The following SNTG1 variants were observed in gnomAD, a reference collection of about 807,000 sequenced individuals.
The protein encoded by SNTG1 is syntrophin gamma 1, also known as gamma-1-syntrophin.
Under a neutral mutation model 74.7 loss-of-function variants are expected in SNTG1, and 39 were observed. The observed-to-expected ratio is 0.52, with a 90% CI of 0.40 to 0.68. The LOEUF is 0.68. SNTG1 is among the 30% of genes least tolerant of loss of function. The pLI is 0.00. For synonymous variants in SNTG1, 254 were observed against 217.1 expected (o/e 1.17, Z -1.49); for missense variants, 685 against 609.5 (o/e 1.12, Z -1.30).
At chr8:50,680,400 C>T (rs2095326310) in intron 15 of SNTG1, among the ~76,000 whole-genome samples, 2 of 152,100 alleles carry the variant, frequency 1.3e-5, no homozygotes, top group Admixed American at 6.6e-5. Flanking sequence ...GACTTAGGGG[C>T]ATATAGCTGA....
Position 50,291,746 on chromosome 8 carries a change from G to C in SNTG1, c.-27-102466G>C, listed in dbSNP as rs374110096. Among the ~76,000 whole-genome samples the C allele has an allele frequency of 9.8e-5, 15 of 152,292 alleles. No homozygotes were observed. The South Asian group carries it at 3.1e-3, about 32-fold the overall frequency. ...AAAATGAGATCGTAGAGACCAATTG[G>C]AGGGGTGACATAGCAATCTGACTGT... is the stretch of plus-strand genomic sequence containing the variant. On this transcript the variant is annotated intron_variant, in intron 2 of 18. Transcript: ENST00000642720.
In SNTG1 at chr8:50,635,087, C is replaced by T. The variant is rs545600694; in HGVS notation, c.850-21822C>T. Among the ~76,000 whole-genome samples the T allele has an allele frequency of 6.6e-5, 10 of 152,182 alleles. No homozygotes were observed. In the East Asian group the frequency reaches 1.9e-3, roughly 29 times the overall value. On this transcript the variant is annotated intron_variant, in intron 13 of 18. Coordinates refer to ENST00000642720, the MANE Select transcript of SNTG1 (RefSeq NM_018967.5). ...TTCCAAGAGTCTCACCCCATTTTAA[C>T]GTCAGCTCAAACTCCCAAGTTTAAT...
rs369234257 is a variant in SNTG1 at position 50,205,212 on chromosome 8, C to T, written c.-28+32577C>T. Among the ~76,000 whole-genome samples, 15 of 152,282 alleles carry T rather than the reference C, an allele frequency of 9.9e-5. No homozygotes were observed. The East Asian group carries it at 1.9e-3, about 20-fold the overall frequency. On this transcript the variant is annotated intron_variant, in intron 2 of 18. Coordinates refer to ENST00000642720, the MANE Select transcript of SNTG1 (RefSeq NM_018967.5). ...CAGTGTAAAACTGTTCCTATTTCTC[C>T]ACATCCTCTCCAGCACCTGTTGTTT...
chr8:50,135,729 T>C (rs2081451519), intron 1 of SNTG1, among the ~76,000 whole-genome samples: 1 of 152,228 alleles, frequency 6.6e-6, no homozygotes, highest in South Asian at 2.1e-4. Context: ...TTGTTATCTC[T>C]CAGTTTATCT....
chr8:50,076,244 A>G (rs575409691), intron 1 of SNTG1, among the ~76,000 whole-genome samples: 10 of 152,290 alleles, frequency 6.6e-5, no homozygotes, highest in African/African-American at 1.9e-4. Flanking sequence ...CCTTTTTCTC[A>G]GTCATACATC....
chr8:50,372,216 C>CTGTG (rs146721613), intron 2 of SNTG1, among the ~76,000 whole-genome samples: 6 of 148,960 alleles, frequency 4.0e-5, no homozygotes, highest in African/African-American at 1.5e-4. Context: ...TGATCTTTCT[C>CTGTG]TGTGTGTGTG....
At chr8:50,319,986 G>A (rs2090463325) in intron 2 of SNTG1, among the ~76,000 whole-genome samples, 1 of 152,272 alleles carries the variant, frequency 6.6e-6, no homozygotes, top group African/African-American at 2.4e-5. Flanking sequence ...TTTTTGATGT[G>A]TCTTTGTCTG....
chr8:50,006,844 T>G (rs1332151440), intron 1 of SNTG1, among the ~76,000 whole-genome samples: 1 of 152,116 alleles, frequency 6.6e-6, no homozygotes, highest in East Asian at 1.9e-4. Flanking sequence ...GTCTGCCAGT[T>G]GAAAAAGTGG....
intron 13 of SNTG1, among the ~76,000 whole-genome samples, chr8:50,621,699 A>G (rs899196558): frequency 2.6e-5 from 4 of 152,210 alleles, no homozygotes; most frequent in Admixed American, 1.3e-4. Context: ...TGACAAGTCT[A>G]TATGAGCCAC....
chr8:50,407,316 T>C (rs2092890207), intron 4 of SNTG1, among the ~76,000 whole-genome samples: 1 of 152,282 alleles, frequency 6.6e-6, no homozygotes, highest in Admixed American at 6.5e-5. Flanking sequence ...GATGTTAGTC[T>C]GAAGAACCAT....
intron 1 of SNTG1, among the ~76,000 whole-genome samples, chr8:50,037,726 G>T (rs1484810): frequency 0.12 from 17,703 of 152,190 alleles, 2,710 homozygotes; most frequent in African/African-American, 0.34. Context: ...CAAACATTGG[G>T]CTAGTTATCA....
intron 17 of SNTG1, among the ~76,000 whole-genome samples, chr8:50,751,270 C>A (rs921254026): frequency 1.3e-5 from 2 of 151,908 alleles, no homozygotes; most frequent in Non-Finnish European, 2.9e-5. Context: ...TTTGGACATG[C>A]ATGTTTTTAG....
intron 2 of SNTG1, among the ~76,000 whole-genome samples, chr8:50,258,644 C>CTT (rs1440810393): frequency 6.6e-6 from 1 of 152,014 alleles, no homozygotes; most frequent in East Asian, 1.9e-4. Flanking sequence ...TTAAAACGAA[C>CTT]TATTCACTCA....
intron 1 of SNTG1, among the ~76,000 whole-genome samples, chr8:49,953,462 T>C (rs1488776537): frequency 6.6e-6 from 1 of 152,268 alleles, no homozygotes; most frequent in African/African-American, 2.4e-5. Flanking sequence ...GCCCTTACCA[T>C]ACAGGTCAGG....
At position 50,629,640 on chromosome 8, in the gene SNTG1, C is replaced by T. The variant is rs1165797269; in HGVS notation, c.850-27269C>T. On this transcript the variant is annotated intron_variant, in intron 13 of 18. Coordinates refer to ENST00000642720, the MANE Select transcript of SNTG1 (RefSeq NM_018967.5). ...AATTTTAGAACCTGAGTGGTCAAAT[C>T]CTTAAAATTAAAACTGGAGCTTCTG... is the stretch of plus-strand genomic sequence containing the variant. Among the ~76,000 whole-genome samples the T allele has an allele frequency of 3.8e-4, 58 of 151,898 alleles. 1 individual carries two copies. The highest frequency in any genetic ancestry group is 2.1e-4 in the South Asian group (1 of 4,816).
intron 2 of SNTG1, among the ~76,000 whole-genome samples, chr8:50,393,412 G>A (rs2131306048): frequency 6.6e-6 from 1 of 152,112 alleles, no homozygotes; most frequent in South Asian, 2.1e-4. Context: ...CTTCTATTTT[G>A]GAATTAATCA....
chr8:50,580,166 C>T (rs2094601168), intron 12 of SNTG1, among the ~76,000 whole-genome samples: 1 of 152,238 alleles, frequency 6.6e-6, no homozygotes, highest in South Asian at 2.1e-4. Flanking sequence ...AGTTTAACAA[C>T]TGCCCTATTG....
rs116259454 is a variant in SNTG1, at chr8:50,134,539, T to C, written c.-102-38022T>C. Reference sequence around the variant, plus strand: ...TGGGAAAGCTTTTTTTTAAATAGAATATGGTAGAAATGTAATCAGCAAGTA... The same window carrying C: ...TGGGAAAGCTTTTTTTTAAATAGAACATGGTAGAAATGTAATCAGCAAGTA... On this transcript the variant is annotated intron_variant, in intron 1 of 18. Coordinates refer to ENST00000642720, the MANE Select transcript of SNTG1 (RefSeq NM_018967.5). Among the ~76,000 whole-genome samples the C allele has an allele frequency of 8.6e-3, 1,305 of 152,158 alleles. 19 individuals are homozygous for C. Among genetic ancestry groups the C allele is most frequent in the African/African-American group, 0.03 (1,245 of 41,524 alleles).
chr8:50,082,785 C>T (rs1235680559), intron 1 of SNTG1, among the ~76,000 whole-genome samples: 1 of 152,152 alleles, frequency 6.6e-6, no homozygotes, highest in African/African-American at 2.4e-5. Flanking sequence ...CACCCCTCTA[C>T]TCTCTGCTGG....
Sources: gnomAD v4.1 joint callset for allele counts (sites outside exome capture counted in the v4.1 genomes callset) on GRCh38, gnomAD v4.1.1 for gene constraint, MANE v1.5 for transcripts, NCBI Gene and HGNC (gene_info 2026-07-23, HGNC 2026-07-21) for gene names.